The following GRIK2 variants were observed in gnomAD, a reference collection of about 807,000 sequenced individuals.
GRIK2 encodes the protein glutamate ionotropic receptor kainate type subunit 2.
In GRIK2, 32 loss-of-function variants were observed where a neutral mutation model predicts 100.3. The observed-to-expected ratio is 0.32, with a 90% CI of 0.24 to 0.43. GRIK2 has a LOEUF of 0.43. Among genes scored for constraint, GRIK2 ranks in the 20% least tolerant of loss-of-function variants. The pLI is 1.00. For synonymous variants in GRIK2, 417 were observed against 389.4 expected (o/e 1.07, Z -0.83); for missense variants, 843 against 1,114.9 (o/e 0.76, Z 3.47).
At chr6:101,698,980 T>C (rs889847544) in intron 7 of GRIK2, among the ~76,000 whole-genome samples, 1 of 152,132 alleles carries the variant, frequency 6.6e-6, no homozygotes, top group Non-Finnish European at 1.5e-5. Flanking sequence ...TTGGATAAAA[T>C]TCTACATTCC....
chr6:101,941,078 C>G (rs1790924643), intron 14 of GRIK2, among the ~76,000 whole-genome samples: 1 of 152,010 alleles, frequency 6.6e-6, no homozygotes, highest in South Asian at 2.1e-4. Context: ...CTATGTACTA[C>G]TGTAACATTG....
intron 2 of GRIK2, among the ~76,000 whole-genome samples, chr6:101,427,765 G>A (rs982591197): frequency 1.3e-5 from 2 of 152,138 alleles, no homozygotes; most frequent in African/African-American, 4.8e-5. Flanking sequence ...AGCCAGTGGG[G>A]TCATTCTGTG....
At chr6:101,552,856 A>T (rs564701200) in intron 2 of GRIK2, among the ~76,000 whole-genome samples, 1 of 152,314 alleles carries the variant, frequency 6.6e-6, no homozygotes. Context: ...GTTTTTAAAG[A>T]TGATCAATAG....
intron 4 of GRIK2, among the ~76,000 whole-genome samples, chr6:101,637,251 C>T (rs547234504): frequency 6.6e-6 from 1 of 152,226 alleles, no homozygotes; most frequent in Admixed American, 6.5e-5. Context: ...TCTACATTTT[C>T]AGTTGTTTGT....
At chr6:101,723,103 A>G (rs936948421) in intron 7 of GRIK2, among the ~76,000 whole-genome samples, 1 of 152,084 alleles carries the variant, frequency 6.6e-6, no homozygotes, top group Non-Finnish European at 1.5e-5. Context: ...TTTAGAAAAA[A>G]GAATTCAAAG....
At chr6:101,640,331 C>T (rs746316261) in intron 4 of GRIK2, among the ~76,000 whole-genome samples, 2 of 152,144 alleles carry the variant, frequency 1.3e-5, no homozygotes, top group African/African-American at 4.8e-5. Flanking sequence ...GTTTCCAAAT[C>T]CTTGCTGTGG....
chr6:101,411,172 T>G (rs2128237966), intron 2 of GRIK2, among the ~76,000 whole-genome samples: 1 of 152,242 alleles, frequency 6.6e-6, no homozygotes, highest in East Asian at 1.9e-4. Context: ...ATGATTCATC[T>G]TCAGCTTGTT....
At chr6:101,561,864 G>A (rs919465867) in intron 2 of GRIK2, among the ~76,000 whole-genome samples, 2 of 152,102 alleles carry the variant, frequency 1.3e-5, no homozygotes, top group African/African-American at 4.8e-5. Context: ...CAGCATGCCT[G>A]GGGCACCGAG....
At chr6:101,458,697 G>A (rs2128251631) in intron 2 of GRIK2, among the ~76,000 whole-genome samples, 1 of 152,252 alleles carries the variant, frequency 6.6e-6, no homozygotes, top group South Asian at 2.1e-4. Context: ...GTACTAGGAC[G>A]GCAGCCTCTT....
intron 14 of GRIK2, among the ~76,000 whole-genome samples, chr6:102,026,123 T>C (rs952194362): frequency 3.6e-5 from 2 of 55,618 alleles, no homozygotes; most frequent in Admixed American, 1.8e-4. Context: ...TATATATATA[T>C]ATATATATAT....
At chr6:101,652,401 G>A (rs537827480) in intron 4 of GRIK2, among the ~76,000 whole-genome samples, 9 of 152,046 alleles carry the variant, frequency 5.9e-5, no homozygotes, top group East Asian at 1.9e-4. Flanking sequence ...CTGATGATAC[G>A]GGCATCCTGA....
In GRIK2 at chr6:101,405,973, G is replaced by A. The variant is rs58695581; in HGVS notation, c.115+6581G>A. 2.8e-4 allele frequency among the ~76,000 whole-genome samples: 42 copies of A among 152,254 alleles called. No homozygotes were observed. The East Asian group carries it at 7.7e-3, about 28-fold the overall frequency. Reference sequence around the variant, plus strand: ...GCAAAAGCATACAGCAGGTGAGGGGGGATGTGGTCTCATTTTTACCTTCTC... The same window carrying A: ...GCAAAAGCATACAGCAGGTGAGGGGAGATGTGGTCTCATTTTTACCTTCTC... On this transcript the variant is annotated intron_variant, in intron 2 of 16. Coordinates refer to ENST00000369134, the MANE Select transcript of GRIK2 (RefSeq NM_021956.5).
intron 12 of GRIK2, among the ~76,000 whole-genome samples, chr6:101,909,693 AAAT>A (rs61202841): frequency 6.7e-6 from 1 of 149,894 alleles, no homozygotes. Context: ...TTTTTGAAAA[AAAT>A]AATGTGTGTA....
chr6:101,399,096 T>A lies in GRIK2; in HGVS notation c.-182T>A, dbSNP rs1237054417. On this transcript the variant is annotated 5_prime_UTR_variant, in exon 2 of 17. It removes the in-frame stop codon of an upstream open reading frame in the 5' UTR. Coordinates refer to ENST00000369134, the MANE Select transcript of GRIK2 (RefSeq NM_021956.5). The stretch of plus-strand genomic sequence containing the variant: ...AGTGGAAGGTTGTTCCTTGGCGCAG[T>A]GAGTGAAGAACATGCAGCGATTGCT... 2 of 530,824 alleles carry A rather than the reference T, an allele frequency of 3.8e-6. No individual in the cohort carries two copies. The highest frequency in any genetic ancestry group is 3.8e-5 in the African/African-American group (2 of 51,988). 32.9% of individuals were successfully genotyped at this position (530,824 alleles called of 1,614,324 possible).
chr6:101,855,025 A>G (rs907703102), intron 10 of GRIK2, among the ~76,000 whole-genome samples: 1 of 152,184 alleles, frequency 6.6e-6, no homozygotes, highest in Non-Finnish European at 1.5e-5. Flanking sequence ...TCACCATTTG[A>G]AGAGCATTAT....
chr6:101,892,468 A>T (rs1787170127), intron 12 of GRIK2, among the ~76,000 whole-genome samples: 1 of 152,154 alleles, frequency 6.6e-6, no homozygotes, highest in Admixed American at 6.6e-5. Flanking sequence ...TTTACGTGAA[A>T]GAAATTCAAG....
Position 101,626,363 on chromosome 6 carries a change from C to T in GRIK2, c.284-17C>T, listed in dbSNP as rs149259256. On this transcript the variant is annotated splice_polypyrimidine_tract_variant and intron_variant, in intron 3 of 16. Transcript: ENST00000369134. ...ACCTCTCCTCTCATTATTGACAGAC[C>T]TTTATCTCCTCTTCAGCCTGTGATC... The T allele has an allele frequency of 2.5e-6, 4 of 1,604,670 alleles. No homozygotes were observed. Among genetic ancestry groups the T allele is most frequent in the Non-Finnish European group, 2.6e-6 (3 of 1,174,646 alleles).
intron 5 of GRIK2, among the ~76,000 whole-genome samples, chr6:101,679,615 TA>T (rs568067952): frequency 6.4e-4 from 97 of 151,938 alleles, no homozygotes; most frequent in African/African-American, 2.3e-3. Context: ...GCAAGTTATT[TA>T]AAAAAAAATT....
intron 2 of GRIK2, among the ~76,000 whole-genome samples, chr6:101,554,479 G>A (rs1185288834): frequency 6.6e-6 from 1 of 152,086 alleles, no homozygotes; most frequent in Admixed American, 6.6e-5. Flanking sequence ...GTGTGTTAGA[G>A]TGTCACTACC....
Sources: allele counts gnomAD v4.1 joint callset (sites outside exome capture counted in the v4.1 genomes callset), GRCh38; gene constraint gnomAD v4.1.1; transcripts MANE v1.5; gene names NCBI Gene and HGNC (gene_info 2026-07-23, HGNC 2026-07-21).